Variants in SGIP1 observed in about 807,000 individuals in gnomAD.
The protein encoded by SGIP1 is SH3GL interacting endocytic adaptor 1, also known as SH3-containing GRB2-like protein 3-interacting protein 1.
SGIP1 carries 38 observed loss-of-function variants against 107.5 expected under a neutral mutation model. The ratio of observed to expected loss-of-function variants is 0.35; its 90% CI spans 0.27 to 0.46. The LOEUF is 0.46. Among genes scored for constraint, SGIP1 ranks in the 20% least tolerant of loss-of-function variants. The pLI is 1.00. For missense variants in SGIP1, 929 were observed against 1,019.5 expected, an observed-to-expected ratio of 0.91 and a Z score of 1.21; for synonymous variants, 365 against 366.1, an observed-to-expected ratio of 1.00 and a Z score of 0.03.
chr1:66,667,220 A>G (rs1445285823), intron 8 of SGIP1, among the ~76,000 whole-genome samples: 1 of 151,978 alleles, frequency 6.6e-6, no homozygotes, highest in African/African-American at 2.4e-5. Context: ...CTACGGCAAG[A>G]CATTAAACAT....
intron 1 of SGIP1, among the ~76,000 whole-genome samples, chr1:66,587,677 G>C (rs1394378946): frequency 6.6e-6 from 1 of 152,028 alleles, no homozygotes; most frequent in African/African-American, 2.4e-5. Flanking sequence ...GCTAATTCTA[G>C]TTGACATTAC....
chr1:66,562,504 A>T (rs2059100762), intron 1 of SGIP1, among the ~76,000 whole-genome samples: 1 of 152,052 alleles, frequency 6.6e-6, no homozygotes, highest in South Asian at 2.1e-4. Context: ...TGGAAGCACG[A>T]AGCTGAGAAA....
At chr1:66,659,952 A>G (rs3077733) in intron 7 of SGIP1, among the ~76,000 whole-genome samples, 2,874 of 14,492 alleles carry the variant, frequency 0.2, 315 homozygotes, top group East Asian at 0.72. Context: ...AAGAAAGAAA[A>G]AGAAAGAAAG....
At chr1:66,669,983 C>T (rs1425675230) in intron 9 of SGIP1, among the ~76,000 whole-genome samples, 1 of 152,186 alleles carries the variant, frequency 6.6e-6, no homozygotes, top group Non-Finnish European at 1.5e-5. Context: ...ATTGAGCCTT[C>T]ACTAAAATTA....
rs566567806 is a variant in SGIP1 at position 66,671,698 on chromosome 1, A to G, written c.509-246A>G. ...AAGTGCTGCACTATACAAATCTTCT[A>G]TTTGATGGCTTGTCACGGAAGTTCC... On this transcript the variant is annotated intron_variant, in intron 10 of 24. Coordinates refer to ENST00000371037, the MANE Select transcript of SGIP1 (RefSeq NM_032291.4). Among the ~76,000 whole-genome samples, 14 of 152,338 alleles carry G rather than the reference A, an allele frequency of 9.2e-5. 1 individual carries two copies. The East Asian group carries it at 2.1e-3, about 23-fold the overall frequency.
At chr1:66,621,698 T>A (rs1260310612) in intron 1 of SGIP1, among the ~76,000 whole-genome samples, 2 of 152,256 alleles carry the variant, frequency 1.3e-5, no homozygotes, top group East Asian at 3.8e-4. Context: ...AATCACGTAA[T>A]ACGTGGCTCT....
At position 66,743,836 on chromosome 1, in the gene SGIP1, AAAGTTT is replaced by A. The variant is rs1469027068; in HGVS notation, c.*746_*751del. On this transcript the variant is annotated 3_prime_UTR_variant, in exon 25 of 25. Transcript: ENST00000371037. ...TAAAAAGGGAAAGCAATTCATATTTAAAGTTTAAGTATATTAAATTATAATCAAGAG... is the reference window on the plus strand; with the variant it reads ...TAAAAAGGGAAAGCAATTCATATTTAAAGTATATTAAATTATAATCAAGAG... 2.0e-5 allele frequency: 3 copies of A among 152,628 alleles called. No individual in the cohort carries two copies. Among genetic ancestry groups the A allele is most frequent in the African/African-American group, 4.8e-5 (2 of 41,466 alleles). 9.5% of individuals were successfully genotyped at this position (152,628 alleles called of 1,614,324 possible).
chr1:66,558,571 A>T (rs1412340869), intron 1 of SGIP1, among the ~76,000 whole-genome samples: 1 of 152,048 alleles, frequency 6.6e-6, no homozygotes, highest in African/African-American at 2.4e-5. Context: ...GCTAACATTA[A>T]TTGAGCACCT....
chr1:66,582,664 A>G (rs1053655101), intron 1 of SGIP1, among the ~76,000 whole-genome samples: 71 of 152,146 alleles, frequency 4.7e-4, no homozygotes, highest in African/African-American at 1.5e-3. Flanking sequence ...GAAATAATTG[A>G]TAATTGATTC....
At chr1:66,646,162 G>T (rs534543749) in intron 7 of SGIP1, among the ~76,000 whole-genome samples, 1 of 152,082 alleles carries the variant, frequency 6.6e-6, no homozygotes, top group Non-Finnish European at 1.5e-5. Context: ...TTTTATAAAT[G>T]ACATATGCAG....
intron 1 of SGIP1, among the ~76,000 whole-genome samples, chr1:66,553,854 T>C (rs559105956): frequency 6.6e-6 from 1 of 152,214 alleles, no homozygotes; most frequent in Non-Finnish European, 1.5e-5. Flanking sequence ...GATAGGTTTG[T>C]CACAATGATG....
chr1:66,680,475 G>C (rs1317481320), intron 14 of SGIP1, among the ~76,000 whole-genome samples: 1 of 152,172 alleles, frequency 6.6e-6, no homozygotes, highest in Non-Finnish European at 1.5e-5. Context: ...TTCTGTTGCA[G>C]CTTCATCCTT....
chr1:66,566,910 G>A (rs929715013), intron 1 of SGIP1, among the ~76,000 whole-genome samples: 1 of 151,878 alleles, frequency 6.6e-6, no homozygotes, highest in Admixed American at 6.6e-5. Context: ...CCCTCCCTGT[G>A]TCCATGTGTT....
chr1:66,587,985 C>T (rs935097760), intron 1 of SGIP1, among the ~76,000 whole-genome samples: 1 of 152,056 alleles, frequency 6.6e-6, no homozygotes, highest in African/African-American at 2.4e-5. Flanking sequence ...TTTCATTAAA[C>T]AAGACAATAA....
At position 66,741,392 on chromosome 1, in the gene SGIP1, G is replaced by T; in HGVS notation, c.2420G>T (p.Gly807Val). ...TCTGGCTGTGACATTGAACTTGTTG[G>T]AGCAGGGTATCGATTTTCACTCATC... is the stretch of plus-strand genomic sequence containing the variant. ...TLSGCDIELV[G>V]AGYRFSLIKK... is the part of the protein sequence containing the mutation. Residue 807 changes from glycine (G) to valine (V), a missense_variant, in exon 24 of 25, where the codon GGA (glycine) becomes GTA (valine). Around this residue, in one of 2 missense-constraint regions of SGIP1, gnomAD observed 341 missense variants for 430.9 expected, o/e 0.79. Transcript: ENST00000371037. 1 of 1,606,460 alleles carries T rather than the reference G, an allele frequency of 6.2e-7. No homozygotes were observed. The highest frequency in any genetic ancestry group is 8.5e-7 in the Non-Finnish European group (1 of 1,175,970).
chr1:66,534,451 T>G, intron 1 of SGIP1, 83 bp downstream of exon 1: 2 of 1,515,816 alleles, frequency 1.3e-6, no homozygotes, highest in Non-Finnish European at 1.8e-6. Flanking sequence ...AGCCAGTGTA[T>G]GTGGCGGTTC....
intron 23 of SGIP1, 65 bp from the exon 24 acceptor site, chr1:66,741,207 A>G (rs1467721415): frequency 1.1e-5 from 16 of 1,459,252 alleles, no homozygotes; most frequent in Non-Finnish European, 1.5e-5. Context: ...TTTGAATGCA[A>G]CCTCCAAAAT....
intron 9 of SGIP1, among the ~76,000 whole-genome samples, chr1:66,669,773 AG>A (rs1227509779): frequency 6.6e-6 from 1 of 152,224 alleles, no homozygotes; most frequent in African/African-American, 2.4e-5. Flanking sequence ...TGAGAGATTG[AG>A]AAAGCATCAA....
intron 17 of SGIP1, chr1:66,694,660 T>A: frequency 2.1e-6 from 1 of 470,048 alleles, no homozygotes; most frequent in East Asian, 3.5e-5. Flanking sequence ...ATCATGGAAC[T>A]CGTGCCACTG....
Sources: gnomAD v4.1 joint callset for allele counts (sites outside exome capture counted in the v4.1 genomes callset) on GRCh38, gnomAD v4.1.1 for gene constraint, gnomAD v4.1.1 regional missense constraint, MANE v1.5 for transcripts, NCBI Gene and HGNC (gene_info 2026-07-23, HGNC 2026-07-21) for gene names.